RSU1: variants seen among roughly 807,000 people sequenced by gnomAD.
RSU1 encodes rsu-1.
A neutral mutation model predicts 31.1 loss-of-function variants in RSU1; 26 were observed. That is an observed-to-expected ratio of 0.84 (90% confidence interval 0.61 to 1.16). RSU1 has a LOEUF of 1.16. Among genes scored for constraint, RSU1 ranks in the 50% most tolerant of loss-of-function variants. The probability of loss-of-function intolerance (pLI) is 0.00; values close to 1 mark genes in which losing one functional copy is unlikely to be tolerated. For missense variants in RSU1, 320 were observed against 339.1 expected (o/e 0.94, Z 0.44); for synonymous variants, 164 against 136.3 (o/e 1.20, Z -1.41).
intron 8 of RSU1, among the ~76,000 whole-genome samples, chr10:16,680,407 T>A (rs2131547954): frequency 6.6e-6 from 1 of 152,220 alleles, no homozygotes; most frequent in African/African-American, 2.4e-5. Context: ...AGGACTGTGT[T>A]AGTTCATTCT....
chr10:16,679,877 T>G (rs1455932338), intron 8 of RSU1, among the ~76,000 whole-genome samples: 1 of 33,492 alleles, frequency 3.0e-5, no homozygotes, highest in Non-Finnish European at 7.7e-5. Flanking sequence ...AAGTTTTTTT[T>G]TTTTTTTTTT....
In RSU1 at chr10:16,660,645, C is replaced by CTTT. The variant is rs796601054; in HGVS notation, c.731+34375_731+34377dup. ...TCCAGTTCATTTATTCTTGAACTCTCTTTTTTTTTTTTTTTTTTTGAGGAA... is the reference window on the plus strand; with the variant it reads ...TCCAGTTCATTTATTCTTGAACTCTCTTTTTTTTTTTTTTTTTTTTTTGAGGAA... On this transcript the variant is annotated intron_variant, in intron 8 of 8. Coordinates refer to ENST00000345264, the MANE Select transcript of RSU1 (RefSeq NM_012425.4). 5.8e-4 allele frequency among the ~76,000 whole-genome samples: 46 copies of CTTT among 79,534 alleles called. 6 individuals are homozygous for CTTT. Among genetic ancestry groups the CTTT allele is most frequent in the African/African-American group, 2.3e-3 (39 of 17,032 alleles). The allele number at this position is 79,534 out of a possible 152,430, so 52.2% of individuals were successfully genotyped here. A position where few individuals can be genotyped will look rare whatever the true frequency, so the allele number is the denominator to read the frequency against.
chr10:16,806,484 T>C (rs1345268935), intron 2 of RSU1, among the ~76,000 whole-genome samples: 1 of 152,198 alleles, frequency 6.6e-6, no homozygotes, highest in African/African-American at 2.4e-5. Flanking sequence ...TTAAATCTGT[T>C]TCCTTACCTA....
In RSU1 at chr10:16,730,830, GT is replaced by G. The variant is rs202123097; in HGVS notation, c.598+21708del. Among the ~76,000 whole-genome samples, 1,045 of 152,166 alleles carry G rather than the reference GT, an allele frequency of 6.9e-3. 11 individuals carry two copies. Among genetic ancestry groups the G allele is most frequent in the South Asian group, 0.024 (115 of 4,816 alleles). On this transcript the variant is annotated intron_variant, in intron 7 of 8. Transcript: ENST00000345264. Reference sequence around the variant, plus strand: ...AATCACACTGTAAAGCAATGTTGTTGTTTTTTTCAGCGAGACTGAGTCTCAC... The same window carrying G: ...AATCACACTGTAAAGCAATGTTGTTGTTTTTTCAGCGAGACTGAGTCTCAC...
At chr10:16,757,243 T>A (rs188178439) in intron 4 of RSU1, among the ~76,000 whole-genome samples, 18 of 152,112 alleles carry the variant, frequency 1.2e-4, no homozygotes, top group Middle Eastern at 6.8e-3. Flanking sequence ...AAAAGCCAAT[T>A]TTTAAAAAAA....
At chr10:16,684,021 T>C (rs1835389685) in intron 8 of RSU1, among the ~76,000 whole-genome samples, 1 of 152,222 alleles carries the variant, frequency 6.6e-6, no homozygotes, top group Non-Finnish European at 1.5e-5. Context: ...AGTGTCATAC[T>C]GGCTGTCCTT....
Position 16,677,860 on chromosome 10 carries a change from A to C in RSU1, c.731+17163T>G, listed in dbSNP as rs559863900. 2.0e-5 allele frequency among the ~76,000 whole-genome samples: 3 copies of C among 152,298 alleles called. No homozygotes were observed. In the East Asian group the frequency reaches 5.8e-4, roughly 29 times the overall value. On this transcript the variant is annotated intron_variant, in intron 8 of 8. Coordinates refer to ENST00000345264, the MANE Select transcript of RSU1 (RefSeq NM_012425.4). Reference sequence around the variant, plus strand: ...GTTAGTTGCAAGACACATTCTATTAAAAGATCACACCACTCACGCAGTTTC... The same window carrying C: ...GTTAGTTGCAAGACACATTCTATTACAAGATCACACCACTCACGCAGTTTC...
At chr10:16,766,033 T>C (rs1461969963) in intron 3 of RSU1, among the ~76,000 whole-genome samples, 1 of 152,246 alleles carries the variant, frequency 6.6e-6, no homozygotes, top group African/African-American at 2.4e-5. Context: ...TTTTGAGTCA[T>C]CATTTTGAGC....
intron 8 of RSU1, among the ~76,000 whole-genome samples, chr10:16,625,451 G>C (rs563172325): frequency 6.6e-6 from 1 of 152,280 alleles, no homozygotes; most frequent in South Asian, 2.1e-4. Context: ...TTCACTGAAA[G>C]AAGCAAAGCG....
intron 2 of RSU1, among the ~76,000 whole-genome samples, chr10:16,807,894 G>A (rs998917075): frequency 5.3e-5 from 8 of 151,918 alleles, no homozygotes; most frequent in Non-Finnish European, 1.2e-4. Context: ...TTGGTGGCGG[G>A]TGCCTGTAGT....
intron 2 of RSU1, among the ~76,000 whole-genome samples, chr10:16,803,488 A>T (rs1351414884): frequency 5.9e-5 from 9 of 152,196 alleles, no homozygotes; most frequent in Admixed American, 5.2e-4. Flanking sequence ...GGATATCAAC[A>T]AACTGATCCT....
chr10:16,709,159 C>A (rs1458118180), intron 7 of RSU1, among the ~76,000 whole-genome samples: 1 of 151,188 alleles, frequency 6.6e-6, no homozygotes, highest in African/African-American at 2.4e-5. Flanking sequence ...CCCCACCCCA[C>A]AACAGGCCCC....
At chr10:16,636,590 T>TTTGG (rs1834348217) in intron 8 of RSU1, among the ~76,000 whole-genome samples, 1 of 152,156 alleles carries the variant, frequency 6.6e-6, no homozygotes, top group African/African-American at 2.4e-5. Flanking sequence ...ACTCTGATCT[T>TTTGG]GTCACTCTTT....
At chr10:16,674,139 G>A (rs909721068) in intron 8 of RSU1, among the ~76,000 whole-genome samples, 12 of 152,160 alleles carry the variant, frequency 7.9e-5, no homozygotes, top group Admixed American at 2.0e-4. Context: ...CAAACAAAGC[G>A]TCTGTTTTTG....
chr10:16,710,450 T>C lies in RSU1; in HGVS notation c.599-15295A>G, dbSNP rs2131579841. Among the ~76,000 whole-genome samples the C allele has an allele frequency of 2.0e-5, 3 of 152,320 alleles. No homozygotes were observed. In the Middle Eastern group the frequency reaches 0.01, roughly 518 times the overall value. ...TCTGCATCTATGTTCACATTACAGA[T>C]ACTTACCTGTAGTTTTGCTGTTGTT... On this transcript the variant is annotated intron_variant, in intron 7 of 8. Coordinates refer to ENST00000345264, the MANE Select transcript of RSU1 (RefSeq NM_012425.4).
intron 2 of RSU1, among the ~76,000 whole-genome samples, chr10:16,809,187 G>A (rs553831025): frequency 2.0e-5 from 3 of 152,162 alleles, no homozygotes; most frequent in Non-Finnish European, 4.4e-5. Context: ...CACGCTGATG[G>A]AATCTGCTCA....
At chr10:16,648,141 T>TTATTTTTA (rs1564299690) in intron 8 of RSU1, among the ~76,000 whole-genome samples, 2 of 151,300 alleles carry the variant, frequency 1.3e-5, no homozygotes, top group African/African-American at 4.9e-5. Context: ...AATTTTTTTT[T>TTATTTTTA]TTTTTTAAGA....
At chr10:16,604,847 G>A (rs61427262) in intron 8 of RSU1, among the ~76,000 whole-genome samples, 6,541 of 152,226 alleles carry the variant, frequency 0.043, 399 homozygotes, top group African/African-American at 0.14. Context: ...GGGCCAACAA[G>A]AGCCAGCGAG....
chr10:16,791,126 A>G (rs559361846), intron 2 of RSU1, among the ~76,000 whole-genome samples: 37 of 152,192 alleles, frequency 2.4e-4, no homozygotes, highest in African/African-American at 8.4e-4. Context: ...TCCCAGTTTC[A>G]AGCAATTCTC....
Sources: allele counts gnomAD v4.1 joint callset (sites outside exome capture counted in the v4.1 genomes callset), GRCh38; gene constraint gnomAD v4.1.1; transcripts MANE v1.5; gene names NCBI Gene and HGNC (gene_info 2026-07-23, HGNC 2026-07-21).